The following NPAS3 variants were observed in gnomAD, a reference collection of about 807,000 sequenced individuals.
NPAS3 encodes neuronal PAS domain-containing protein 3.
Under a neutral mutation model 73.1 loss-of-function variants are expected in NPAS3, and 14 were observed. That is an observed-to-expected ratio of 0.19 (90% CI 0.13 to 0.30). NPAS3 has a LOEUF of 0.30. NPAS3 is among the 10% of genes least tolerant of loss of function. The pLI, the probability that NPAS3 is intolerant of heterozygous loss-of-function variation, is 1.00. For missense variants in NPAS3, 1,096 were observed against 1,250.0 expected (o/e 0.88, Z 1.86); for synonymous variants, 620 against 541.5 (o/e 1.14, Z -2.01).
At chr14:33,600,944 T>G (rs1190689150) in intron 5 of NPAS3, among the ~76,000 whole-genome samples, 1 of 152,162 alleles carries the variant, frequency 6.6e-6, no homozygotes, top group Non-Finnish European at 1.5e-5. Context: ...GGTGAGGCCA[T>G]GAGCACTGCA....
At chr14:33,476,597 TA>T (rs573169876) in intron 4 of NPAS3, among the ~76,000 whole-genome samples, 108 of 152,316 alleles carry the variant, frequency 7.1e-4, no homozygotes, top group African/African-American at 2.5e-3. Flanking sequence ...CATTTATGAG[TA>T]TTTTTTTATT....
exon 12 of NPAS3, chr14:33,799,754 T>C (rs941725910): frequency 6.3e-7 from 1 of 1,579,426 alleles, no homozygotes; most frequent in African/African-American, 1.4e-5. Flanking sequence ...GAACTCCAAG[T>C]CCGACGAGAA....
At chr14:33,246,291 G>A (rs2048371074) in intron 3 of NPAS3, among the ~76,000 whole-genome samples, 1 of 152,052 alleles carries the variant, frequency 6.6e-6, no homozygotes, top group South Asian at 2.1e-4. Context: ...TCTAATCCCA[G>A]CACTTTGGGA....
intron 5 of NPAS3, among the ~76,000 whole-genome samples, chr14:33,642,772 G>A (rs182335500): frequency 6.6e-6 from 1 of 152,296 alleles, no homozygotes; most frequent in African/African-American, 2.4e-5. Flanking sequence ...TGGTGTCAGA[G>A]AAGCCTGGCT....
At chr14:33,259,093 G>C (rs112325324) in intron 3 of NPAS3, among the ~76,000 whole-genome samples, 1 of 152,208 alleles carries the variant, frequency 6.6e-6, no homozygotes, top group Non-Finnish European at 1.5e-5. Flanking sequence ...GATTACAGGC[G>C]TGAGCCACTG....
At chr14:33,735,414 G>T in intron 7 of NPAS3, 82 bp downstream of exon 7, 2 of 958,890 alleles carry the variant, frequency 2.1e-6, no homozygotes. Flanking sequence ...GCTGCTTTAG[G>T]TCCATATAAT....
At chr14:33,542,669 A>G (rs2054575699) in intron 4 of NPAS3, among the ~76,000 whole-genome samples, 3 of 152,252 alleles carry the variant, frequency 2.0e-5, no homozygotes, top group African/African-American at 7.2e-5. Context: ...CTAAAATCAA[A>G]TGTCCATGGC....
intron 4 of NPAS3, among the ~76,000 whole-genome samples, chr14:33,545,448 A>G (rs894264850): frequency 2.6e-5 from 4 of 152,182 alleles, no homozygotes; most frequent in Non-Finnish European, 5.9e-5. Context: ...CAACAACTCT[A>G]TTGACTGAAA....
At chr14:33,674,402 C>T (rs2140328382) in intron 5 of NPAS3, among the ~76,000 whole-genome samples, 1 of 152,330 alleles carries the variant, frequency 6.6e-6, no homozygotes, top group South Asian at 2.1e-4. Context: ...TCCTCATATT[C>T]ACTAATCTCC....
At chr14:33,435,405 G>T (rs2048947394) in intron 4 of NPAS3, among the ~76,000 whole-genome samples, 1 of 152,104 alleles carries the variant, frequency 6.6e-6, no homozygotes, top group South Asian at 2.1e-4. Context: ...CAAGTGTTCT[G>T]GGATCATCCT....
chr14:33,454,694 C>T (rs767754608), intron 4 of NPAS3, among the ~76,000 whole-genome samples: 15 of 152,094 alleles, frequency 9.9e-5, no homozygotes, highest in Non-Finnish European at 2.1e-4. Context: ...CTAGTTTCAC[C>T]ACAGGGGATT....
chr14:33,742,541 C>T (rs1439342337), intron 7 of NPAS3, among the ~76,000 whole-genome samples: 2 of 152,220 alleles, frequency 1.3e-5, no homozygotes, highest in Admixed American at 6.5e-5. Flanking sequence ...TAACAATCAT[C>T]TGAGCCTTCA....
chr14:32,979,910 A>G (rs1354196257), intron 1 of NPAS3, among the ~76,000 whole-genome samples: 1 of 152,162 alleles, frequency 6.6e-6, no homozygotes, highest in African/African-American at 2.4e-5. Context: ...AAAATCAGCT[A>G]CAAAACTGGG....
intron 9 of NPAS3, among the ~76,000 whole-genome samples, chr14:33,789,948 CGA>C (rs2063308212): frequency 6.6e-6 from 1 of 152,062 alleles, no homozygotes; most frequent in Non-Finnish European, 1.5e-5. Flanking sequence ...GTGAATTCAG[CGA>C]GAGACACACA....
At chr14:33,723,249 G>T (rs748438449) in intron 6 of NPAS3, among the ~76,000 whole-genome samples, 1 of 152,010 alleles carries the variant, frequency 6.6e-6, no homozygotes, top group Non-Finnish European at 1.5e-5. Flanking sequence ...TCTTCCATTT[G>T]TCATCCCTGT....
chr14:33,733,257 GA>G (rs1281282090), intron 6 of NPAS3, among the ~76,000 whole-genome samples: 4 of 150,664 alleles, frequency 2.7e-5, no homozygotes, highest in Admixed American at 1.3e-4. Flanking sequence ...CCACCAGGAT[GA>G]AAAAAACTGC....
In NPAS3 at chr14:33,372,054, G is replaced by A. The variant is rs1372995380; in HGVS notation, c.468+4786G>A. Among the ~76,000 whole-genome samples the A allele has an allele frequency of 3.3e-5, 5 of 152,280 alleles. No individual in the cohort carries two copies. The South Asian group carries it at 6.2e-4, about 19-fold the overall frequency. On this transcript the variant is annotated intron_variant, in intron 4 of 11. Transcript: ENST00000356141. The stretch of plus-strand genomic sequence containing the variant: ...CAATTTTAAAAGACAATGGTAATAA[G>A]AGGAAAGAATTAAAACACTTACAGT...
intron 6 of NPAS3, among the ~76,000 whole-genome samples, chr14:33,718,151 C>T (rs899061470): frequency 3.3e-5 from 5 of 152,122 alleles, no homozygotes; most frequent in Middle Eastern, 3.4e-3. Context: ...ATAAGAATAG[C>T]GTTCCTGTTC....
chr14:33,327,291 T>G (rs2043752657), intron 3 of NPAS3, among the ~76,000 whole-genome samples: 1 of 152,224 alleles, frequency 6.6e-6, no homozygotes, highest in Non-Finnish European at 1.5e-5. Flanking sequence ...CACGCTGTGC[T>G]AAAAGTTGTA....
Sources: allele counts gnomAD v4.1 joint callset (sites outside exome capture counted in the v4.1 genomes callset), GRCh38; gene constraint gnomAD v4.1.1; transcripts MANE v1.5; gene names NCBI Gene and HGNC (gene_info 2026-07-23, HGNC 2026-07-21).